Variants in ADAMTSL1 observed in about 807,000 individuals in gnomAD.
The protein encoded by ADAMTSL1 is ADAMTS-like protein 1.
Under a neutral mutation model 201.8 loss-of-function variants are expected in ADAMTSL1, and 126 were observed. The observed-to-expected ratio is 0.62, with a 90% CI of 0.54 to 0.72. The LOEUF is 0.72. ADAMTSL1 is among the 30% of genes least tolerant of loss of function. The pLI is 0.00. For synonymous variants in ADAMTSL1, 1,121 were observed against 903.4 expected (o/e 1.24, Z -4.32); for missense variants, 2,679 against 2,277.8 (o/e 1.18, Z -3.59).
chr9:18,637,710 G>A (rs982308018), intron 6 of ADAMTSL1, among the ~76,000 whole-genome samples: 10 of 152,096 alleles, frequency 6.6e-5, no homozygotes, highest in Admixed American at 5.9e-4. Context: ...ATGAATGTGG[G>A]AGTGAAAGAT....
chr9:18,676,640 C>T (rs1216653802), intron 10 of ADAMTSL1, among the ~76,000 whole-genome samples: 1 of 151,948 alleles, frequency 6.6e-6, no homozygotes, highest in Non-Finnish European at 1.5e-5. Flanking sequence ...GAAACAGCTC[C>T]ACAGAGAGCA....
At chr9:18,550,748 G>A (rs1020236476) in intron 3 of ADAMTSL1, among the ~76,000 whole-genome samples, 6 of 151,762 alleles carry the variant, frequency 4.0e-5, no homozygotes, top group Non-Finnish European at 7.4e-5. Context: ...AAGCACCTAC[G>A]TTTATGATAA....
upstream of ADAMTSL1, among the ~76,000 whole-genome samples, chr9:18,472,398 A>G (rs1821250099): frequency 6.6e-6 from 1 of 152,206 alleles, no homozygotes; most frequent in African/African-American, 2.4e-5. Flanking sequence ...GGAAAAGCAT[A>G]TTTCAAGAAT....
At chr9:18,589,278 T>C (rs1039575896) in intron 4 of ADAMTSL1, among the ~76,000 whole-genome samples, 2 of 152,194 alleles carry the variant, frequency 1.3e-5, no homozygotes. Flanking sequence ...GTTTTACTTA[T>C]ACAGATCTCT....
intron 2 of ADAMTSL1, among the ~76,000 whole-genome samples, chr9:18,205,036 T>G (rs1450698749): frequency 2.6e-5 from 4 of 151,860 alleles, no homozygotes; most frequent in African/African-American, 9.7e-5. Context: ...TGAGGAAGAG[T>G]GGAACCAAAT....
At chr9:18,727,890 G>A (rs1817984401) in intron 15 of ADAMTSL1, among the ~76,000 whole-genome samples, 1 of 152,016 alleles carries the variant, frequency 6.6e-6, no homozygotes, top group Non-Finnish European at 1.5e-5. Context: ...GACCAGCCTG[G>A]CCAACGTGGC....
chr9:18,001,545 G>A (rs932030950), intron 1 of ADAMTSL1, among the ~76,000 whole-genome samples: 3 of 152,146 alleles, frequency 2.0e-5, no homozygotes, highest in South Asian at 4.1e-4. Flanking sequence ...ATCTTAGAAC[G>A]GGCTGATTCA....
At chr9:18,298,449 A>C (rs7865940) in intron 2 of ADAMTSL1, among the ~76,000 whole-genome samples, 1 of 151,938 alleles carries the variant, frequency 6.6e-6, no homozygotes, top group African/African-American at 2.4e-5. Context: ...TGTGGCACAA[A>C]GCACTGACTG....
chr9:18,117,903 C>T (rs1176367860), intron 1 of ADAMTSL1, among the ~76,000 whole-genome samples: 1 of 152,158 alleles, frequency 6.6e-6, no homozygotes, highest in African/African-American at 2.4e-5. Context: ...ATGAGGGTTA[C>T]AAATTTGTAC....
intron 1 of ADAMTSL1, among the ~76,000 whole-genome samples, chr9:18,122,842 G>A (rs1396558915): frequency 6.6e-6 from 1 of 151,968 alleles, no homozygotes; most frequent in Non-Finnish European, 1.5e-5. Flanking sequence ...AGGCTCAGGC[G>A]ATCCTCCCAC....
At chr9:18,491,948 T>A (rs567020656) in intron 1 of ADAMTSL1, among the ~76,000 whole-genome samples, 1 of 152,180 alleles carries the variant, frequency 6.6e-6, no homozygotes, top group East Asian at 1.9e-4. Flanking sequence ...GGACAAGATT[T>A]TAAAGAAAAA....
intron 1 of ADAMTSL1, among the ~76,000 whole-genome samples, chr9:17,938,861 A>G (rs1395170976): frequency 6.6e-6 from 1 of 152,100 alleles, no homozygotes; most frequent in African/African-American, 2.4e-5. Context: ...TTCCCCTGAT[A>G]CTTCTGCCTG....
At chr9:18,624,753 A>T (rs143736922) in intron 5 of ADAMTSL1, among the ~76,000 whole-genome samples, 28 of 152,302 alleles carry the variant, frequency 1.8e-4, no homozygotes, top group African/African-American at 6.5e-4. Flanking sequence ...CCTAAGGAAG[A>T]AACTGAAGCA....
At chr9:18,795,630 C>G in intron 20 of ADAMTSL1, 106 bp downstream of exon 20, 1 of 1,233,778 alleles carries the variant, frequency 8.1e-7, no homozygotes, top group South Asian at 1.6e-5. Flanking sequence ...AGACCCAGAT[C>G]CCATCTTCAG....
chr9:18,889,523 A>AATT (rs1308182846), intron 24 of ADAMTSL1, 45 bp from the exon 25 acceptor site: 1 of 1,597,372 alleles, frequency 6.3e-7, no homozygotes, highest in Admixed American at 1.7e-5. Flanking sequence ...GAGTGTGGGC[A>AATT]ATTATGCTAT....
At chr9:17,997,086 A>G (rs915889164) in intron 1 of ADAMTSL1, among the ~76,000 whole-genome samples, 10 of 152,120 alleles carry the variant, frequency 6.6e-5, no homozygotes, top group African/African-American at 2.4e-4. Context: ...TCTGTATTCC[A>G]TTGGTGCCAT....
chr9:18,842,153 C>A (rs546623636), intron 23 of ADAMTSL1, among the ~76,000 whole-genome samples: 88 of 151,856 alleles, frequency 5.8e-4, no homozygotes, highest in Non-Finnish European at 1.3e-4. Context: ...TGGATCTTTC[C>A]TGCTTTCTCT....
intron 23 of ADAMTSL1, among the ~76,000 whole-genome samples, chr9:18,847,432 T>C (rs1826196456): frequency 1.3e-5 from 2 of 152,170 alleles, no homozygotes; most frequent in Admixed American, 1.3e-4. Context: ...ACTGATGTTA[T>C]AGTAGGAGAA....
At chr9:18,344,200 C>A (rs1043571888) in intron 2 of ADAMTSL1, among the ~76,000 whole-genome samples, 2 of 152,062 alleles carry the variant, frequency 1.3e-5, no homozygotes, top group African/African-American at 4.8e-5. Flanking sequence ...AACTAAAATT[C>A]CTTAGGCTCT....
Sources: gnomAD v4.1 joint callset for allele counts (sites outside exome capture counted in the v4.1 genomes callset) on GRCh38, gnomAD v4.1.1 for gene constraint, MANE v1.5 for transcripts, NCBI Gene and HGNC (gene_info 2026-07-23, HGNC 2026-07-21) for gene names.